The following MIA3 variants were observed in gnomAD, a reference collection of about 807,000 sequenced individuals.
MIA3 encodes transport and Golgi organization protein 1 homolog.
MIA3 carries 90 observed loss-of-function variants against 192.4 expected under a neutral mutation model. The ratio of observed to expected loss-of-function variants is 0.47; its 90% confidence interval spans 0.39 to 0.56. The LOEUF is 0.56. Among genes scored for constraint, MIA3 ranks in the 20% least tolerant of loss-of-function variants. The pLI is 0.00. For missense variants in MIA3, 2,123 were observed against 2,269.4 expected, an observed-to-expected ratio of 0.94 and a Z score of 1.31; for synonymous variants, 740 against 792.8, an observed-to-expected ratio of 0.93 and a Z score of 1.12.
chr1:222,646,817 G>A (rs149524953), intron 7 of MIA3, among the ~76,000 whole-genome samples: 13 of 152,322 alleles, frequency 8.5e-5, no homozygotes, highest in Non-Finnish European at 1.5e-4. Flanking sequence ...AACCTACTGT[G>A]ATTCACAGTG....
Position 222,626,144 on chromosome 1 carries a change from T to C in MIA3, c.354+1290T>C, listed in dbSNP as rs138257328. Among the ~76,000 whole-genome samples, 15 of 152,288 alleles carry C rather than the reference T, an allele frequency of 9.8e-5. No homozygotes were observed. In the East Asian group the frequency reaches 2.9e-3, roughly 29 times the overall value. On this transcript the variant is annotated intron_variant, in intron 3 of 27. Coordinates refer to ENST00000344922, the MANE Select transcript of MIA3 (RefSeq NM_198551.4). Reference sequence around the variant, plus strand: ...AAAGTCTTTGAGTAGCTCTTTGGAGTTGCTGCAGAGCGTGCAAGCTGCTGG... The same window carrying C: ...AAAGTCTTTGAGTAGCTCTTTGGAGCTGCTGCAGAGCGTGCAAGCTGCTGG...
At chr1:222,622,960 T>C (rs1418344006) in intron 2 of MIA3, among the ~76,000 whole-genome samples, 3 of 152,240 alleles carry the variant, frequency 2.0e-5, no homozygotes, top group Non-Finnish European at 1.5e-5. Flanking sequence ...GTTTGCACTG[T>C]TCATGTGGCA....
Position 222,629,522 on chromosome 1 carries a change from ACCATTCAT to A in MIA3, c.2306_2313del (p.Ile769ArgfsTer5). ...AGTCCCTGACAGAGCAGTTTTAGGG[ACCATTCAT>A]CCAGATCCAGAAATTGAAGAAAGCA... On this transcript the variant is annotated frameshift_variant, in exon 4 of 28. Coordinates refer to ENST00000344922, the MANE Select transcript of MIA3 (RefSeq NM_198551.4). LOFTEE classifies it high-confidence loss of function. The A allele has an allele frequency of 6.2e-7, 1 of 1,613,982 alleles. No individual in the cohort carries two copies. Among genetic ancestry groups the A allele is most frequent in the Non-Finnish European group, 8.5e-7 (1 of 1,180,000 alleles).
rs1558173379 is a variant in MIA3 at position 222,627,619 on chromosome 1, T to A, written c.399T>A (p.His133Gln). 4 of 1,580,564 alleles carry A rather than the reference T, an allele frequency of 2.5e-6. No homozygotes were observed. Among genetic ancestry groups the A allele is most frequent in the Admixed American group, 2.0e-5 (1 of 49,444 alleles). ...VCFDGGRDDF[H>Q]NYNVEELLGF... The stretch of plus-strand genomic sequence containing the variant: ...TTGATGGAGGAAGAGATGATTTTCA[T>A]AATTATAATGTAGAAGAACTTTTAG... Residue 133 changes from histidine (H) to glutamine (Q), a missense_variant, in exon 4 of 28, where the codon CAT (histidine) becomes CAA (glutamine). This residue lies in a region of MIA3 where 1,357 missense variants were observed against 1,396.1 expected (regional missense o/e 0.97). Transcript: ENST00000344922.
At chr1:222,642,449 T>C (rs1662906060) in intron 6 of MIA3, among the ~76,000 whole-genome samples, 1 of 152,222 alleles carries the variant, frequency 6.6e-6, no homozygotes, top group African/African-American at 2.4e-5. Context: ...TAATATGTCT[T>C]TCATTCATGG....
chr1:222,641,982 T>C (rs1662881625), intron 6 of MIA3: 1 of 360,280 alleles, frequency 2.8e-6, no homozygotes, highest in African/African-American at 2.1e-5. Context: ...AGAACCATTA[T>C]AGATATGTGC....
At chr1:222,656,102 TG>T (rs1359057166) in intron 18 of MIA3, among the ~76,000 whole-genome samples, 1 of 151,286 alleles carries the variant, frequency 6.6e-6, no homozygotes, top group Non-Finnish European at 1.5e-5. Flanking sequence ...CCCGAGTAGC[TG>T]GGACTACAGG....
At chr1:222,637,500 G>A (rs1662678608) in intron 6 of MIA3, among the ~76,000 whole-genome samples, 1 of 152,164 alleles carries the variant, frequency 6.6e-6, no homozygotes, top group East Asian at 1.9e-4. Context: ...TATAGTTAAG[G>A]CAGGGTAAAT....
Position 222,621,053 on chromosome 1 carries a change from G to A in MIA3, c.134-106G>A, listed in dbSNP as rs529803683. ...ATTCCAGAGAGTACTGGAAAAACTT[G>A]GTTGTTGTTTATAGTGGGATTCTTA... On this transcript the variant is annotated intron_variant, in intron 1 of 27. Coordinates refer to ENST00000344922, the MANE Select transcript of MIA3 (RefSeq NM_198551.4). 3 of 929,968 alleles carry A rather than the reference G, an allele frequency of 3.2e-6. No individual in the cohort carries two copies. In the South Asian group the frequency reaches 5.8e-5, roughly 18 times the overall value. The allele number at this position is 929,968 out of a possible 1,614,324, so 57.6% of individuals were successfully genotyped here.
chr1:222,647,931 G>A (rs933884947), intron 7 of MIA3: 4 of 384,222 alleles, frequency 1.0e-5, no homozygotes, highest in Admixed American at 2.7e-5. Flanking sequence ...ATTAATTATT[G>A]TATACAGTAA....
chr1:222,635,991 A>G (rs964308794), intron 6 of MIA3, among the ~76,000 whole-genome samples: 1 of 152,210 alleles, frequency 6.6e-6, no homozygotes, highest in African/African-American at 2.4e-5. Flanking sequence ...AATCCTTTAA[A>G]TATTTGAAGT....
In MIA3 at chr1:222,648,810, TTTTA is replaced by T; in HGVS notation, c.3610-15_3610-12del. 7.5e-7 allele frequency: 1 copy of T among 1,329,676 alleles called. No homozygotes were observed. Among genetic ancestry groups the T allele is most frequent in the Non-Finnish European group, 1.1e-6 (1 of 933,024 alleles). 82.4% of individuals were successfully genotyped at this position (1,329,676 alleles called of 1,614,324 possible). ...ATAAAATGTTTGACATCAAATTTAA[TTTTA>T]TTTCTCTTTTCTAGGTGAAGGATAG... On this transcript the variant is annotated splice_polypyrimidine_tract_variant and intron_variant, in intron 7 of 27. Transcript: ENST00000344922.
chr1:222,664,633 A>G (rs1468297163), intron 27 of MIA3, among the ~76,000 whole-genome samples: 5 of 152,186 alleles, frequency 3.3e-5, no homozygotes, highest in African/African-American at 1.2e-4. Context: ...AGAAGGTAGA[A>G]TTTAACAGCT....
chr1:222,656,936 A>C (rs924491493), intron 18 of MIA3, among the ~76,000 whole-genome samples: 1 of 152,152 alleles, frequency 6.6e-6, no homozygotes. Context: ...TACTTCCTTC[A>C]ATTTGTAAGG....
intron 7 of MIA3, chr1:222,645,988 A>G: frequency 3.9e-6 from 1 of 253,488 alleles, no homozygotes; most frequent in South Asian, 4.5e-5. Context: ...GATAGGTCAT[A>G]TGTACACTGT....
At chr1:222,653,570 G>A (rs1196537692) in intron 15 of MIA3, among the ~76,000 whole-genome samples, 3 of 152,328 alleles carry the variant, frequency 2.0e-5, no homozygotes, top group African/African-American at 4.8e-5. Flanking sequence ...AAGGGTGCAC[G>A]GGAGCTGCAC....
intron 6 of MIA3, among the ~76,000 whole-genome samples, chr1:222,640,103 T>C (rs1375576788): frequency 6.6e-6 from 1 of 152,086 alleles, no homozygotes; most frequent in East Asian, 1.9e-4. Context: ...GTATCAAAAA[T>C]ATGGAGTACT....
intron 9 of MIA3, 46 bp downstream of exon 9, chr1:222,650,426 A>T: frequency 9.3e-7 from 1 of 1,075,768 alleles, no homozygotes; most frequent in Non-Finnish European, 1.4e-6. Context: ...TCCCAGCTTG[A>T]ATTATTTGTC....
rs1474427578 is a variant in MIA3 at position 222,654,691 on chromosome 1, T to C, written c.4505T>C (p.Leu1502Pro). The C allele has an allele frequency of 1.9e-6, 3 of 1,614,110 alleles. No individual in the cohort carries two copies. Among genetic ancestry groups the C allele is most frequent in the Non-Finnish European group, 1.7e-6 (2 of 1,179,966 alleles). Residue 1502 changes from leucine (L) to proline (P), a missense_variant, in exon 18 of 28, where the codon CTA (leucine) becomes CCA (proline). Leu to Pro is a moderately conservative substitution (Grantham distance 98). This residue lies in a region of MIA3 where 762 missense variants were observed against 856.4 expected (regional missense o/e 0.89). Coordinates refer to ENST00000344922, the MANE Select transcript of MIA3 (RefSeq NM_198551.4). ...VKKLEDDRNS[L>P]QAAKAGLEDE... ...AAATTGGAAGATGACCGCAACTCAC[T>C]ACAAGCTGCCAAAGCTGGACTGGAA...
Sources: allele counts gnomAD v4.1 joint callset (sites outside exome capture counted in the v4.1 genomes callset), GRCh38; gene constraint gnomAD v4.1.1; regional missense constraint gnomAD v4.1.1; transcripts MANE v1.5; gene names NCBI Gene and HGNC (gene_info 2026-07-23, HGNC 2026-07-21).